The following GRIN2B variants were observed in gnomAD, a reference collection of about 807,000 sequenced individuals.
GRIN2B encodes glutamate receptor ionotropic, NMDA 2B.
A neutral mutation model predicts 114.5 loss-of-function variants in GRIN2B; 5 were observed. That is an observed-to-expected ratio of 0.04 (90% CI 0.02 to 0.09). GRIN2B has a LOEUF of 0.09. GRIN2B is among the 10% of genes least tolerant of loss of function. GRIN2B has a pLI of 1.00. For missense variants in GRIN2B, 1,108 were observed against 1,943.5 expected (o/e 0.57, Z 8.08); for synonymous variants, 787 against 745.1 (o/e 1.06, Z -0.92).
chr12:13,605,064 A>G, intron 10 of GRIN2B, among the ~76,000 whole-genome samples: 1 of 126,216 alleles, frequency 7.9e-6, no homozygotes, highest in Non-Finnish European at 1.8e-5. Context: ...CTCTCTCCCC[A>G]CAGACTCTTT....
intron 3 of GRIN2B, among the ~76,000 whole-genome samples, chr12:13,851,678 A>G (rs1865568392): frequency 6.6e-6 from 1 of 152,144 alleles, no homozygotes; most frequent in South Asian, 2.1e-4. Context: ...AAATTCTACC[A>G]AGCTCCTTTC....
chr12:13,808,192 T>G (rs1864647216), intron 3 of GRIN2B, among the ~76,000 whole-genome samples: 1 of 152,018 alleles, frequency 6.6e-6, no homozygotes, highest in South Asian at 2.1e-4. Flanking sequence ...ATCAGCATTT[T>G]TAAACACTGA....
At chr12:13,820,958 C>T (rs1864923088) in intron 3 of GRIN2B, among the ~76,000 whole-genome samples, 1 of 152,124 alleles carries the variant, frequency 6.6e-6, no homozygotes. Flanking sequence ...CTTTGAATAA[C>T]ATACATGGCC....
chr12:13,782,554 A>G (rs182468049), intron 3 of GRIN2B, among the ~76,000 whole-genome samples: 1 of 152,346 alleles, frequency 6.6e-6, no homozygotes, highest in East Asian at 1.9e-4. Flanking sequence ...TACAGAAAGA[A>G]TTCTAGATTA....
intron 2 of GRIN2B, among the ~76,000 whole-genome samples, chr12:13,907,700 T>TATAC (rs1866565121): frequency 6.6e-6 from 1 of 152,182 alleles, no homozygotes; most frequent in Non-Finnish European, 1.5e-5. Flanking sequence ...GTTTAGTGGT[T>TATAC]ATATGGATGT....
chr12:13,921,591 T>C (rs1866825014), intron 2 of GRIN2B, among the ~76,000 whole-genome samples: 2 of 152,192 alleles, frequency 1.3e-5, no homozygotes, highest in South Asian at 2.1e-4. Context: ...TATATGTCTA[T>C]CTAAGTTTCT....
intron 4 of GRIN2B, among the ~76,000 whole-genome samples, chr12:13,686,352 A>C (rs1239730279): frequency 6.6e-6 from 1 of 152,160 alleles, no homozygotes; most frequent in Non-Finnish European, 1.5e-5. Flanking sequence ...TCAAGAGGAC[A>C]GCACCATGAA....
chr12:13,830,650 A>C (rs942249533), intron 3 of GRIN2B, among the ~76,000 whole-genome samples: 3 of 152,212 alleles, frequency 2.0e-5, no homozygotes, highest in African/African-American at 7.2e-5. Flanking sequence ...TACATTTTAT[A>C]TATATGTACA....
Position 13,549,440 on chromosome 12 carries a change from C to G in GRIN2B, c.*13343G>C, listed in dbSNP as rs1948384207. On this transcript the variant is annotated 3_prime_UTR_variant, in exon 14 of 14. Coordinates refer to ENST00000609686, the MANE Select transcript of GRIN2B (RefSeq NM_000834.5). ...TTTTTCTGTTCAGAACTAACTTATG[C>G]CTTAATCCTAGAATCAGGCTTGTAT... is the stretch of plus-strand genomic sequence containing the variant. 6.6e-6 allele frequency: 1 copy of G among 152,086 alleles called. No homozygotes were observed. The highest frequency in any genetic ancestry group is 1.5e-5 in the Non-Finnish European group (1 of 68,012). 9.4% of individuals were successfully genotyped at this position (152,086 alleles called of 1,614,324 possible).
intron 2 of GRIN2B, among the ~76,000 whole-genome samples, chr12:13,868,440 G>C (rs1052040819): frequency 6.7e-6 from 1 of 148,878 alleles, no homozygotes; most frequent in African/African-American, 2.5e-5. Context: ...ACACCACAAA[G>C]AGCTGTGGAC....
intron 2 of GRIN2B, among the ~76,000 whole-genome samples, chr12:13,912,572 G>A (rs1413249569): frequency 2.0e-5 from 3 of 152,142 alleles, no homozygotes; most frequent in Non-Finnish European, 4.4e-5. Flanking sequence ...TGGGCACAGG[G>A]TGCGGATGTA....
intron 3 of GRIN2B, among the ~76,000 whole-genome samples, chr12:13,764,604 A>T (rs1178252198): frequency 6.6e-6 from 1 of 152,218 alleles, no homozygotes; most frequent in Non-Finnish European, 1.5e-5. Flanking sequence ...TGATGGAAAT[A>T]AGAAAAAATC....
chr12:13,848,772 A>C (rs1010397361), intron 3 of GRIN2B, among the ~76,000 whole-genome samples: 1 of 152,186 alleles, frequency 6.6e-6, no homozygotes, highest in African/African-American at 2.4e-5. Context: ...TGAACCCAAC[A>C]GAGCACAAGA....
At chr12:13,880,848 C>T (rs1159657106) in intron 2 of GRIN2B, among the ~76,000 whole-genome samples, 1 of 152,212 alleles carries the variant, frequency 6.6e-6, no homozygotes, top group Non-Finnish European at 1.5e-5. Flanking sequence ...AGTCTTCCTT[C>T]AGCTCTTGCC....
intron 4 of GRIN2B, among the ~76,000 whole-genome samples, chr12:13,734,137 C>T (rs1306075424): frequency 1.3e-5 from 2 of 152,122 alleles, no homozygotes; most frequent in Non-Finnish European, 2.9e-5. Flanking sequence ...CTAAATGAAG[C>T]CCCCATAGGT....
chr12:13,751,262 G>C (rs998433778), intron 4 of GRIN2B, among the ~76,000 whole-genome samples: 10 of 152,286 alleles, frequency 6.6e-5, no homozygotes, highest in Admixed American at 6.5e-4. Flanking sequence ...ATATTAAGGA[G>C]AATGGACCTC....
chr12:13,718,982 G>A (rs1009000733), intron 4 of GRIN2B, among the ~76,000 whole-genome samples: 1 of 151,984 alleles, frequency 6.6e-6, no homozygotes, highest in Admixed American at 6.6e-5. Flanking sequence ...AGAGACACAT[G>A]CTAAGTCTCA....
At chr12:13,893,107 C>A (rs1866290912) in intron 2 of GRIN2B, among the ~76,000 whole-genome samples, 1 of 152,174 alleles carries the variant, frequency 6.6e-6, no homozygotes, top group Non-Finnish European at 1.5e-5. Flanking sequence ...ATGACTAGCA[C>A]TTGGCCCATT....
intron 2 of GRIN2B, among the ~76,000 whole-genome samples, chr12:13,875,842 T>A (rs150980674): frequency 6.6e-6 from 1 of 152,354 alleles, no homozygotes; most frequent in East Asian, 1.9e-4. Flanking sequence ...TCGATTCATT[T>A]GATAAATGTT....
Sources: gnomAD v4.1 joint callset for allele counts (sites outside exome capture counted in the v4.1 genomes callset) on GRCh38, gnomAD v4.1.1 for gene constraint, MANE v1.5 for transcripts, NCBI Gene and HGNC (gene_info 2026-07-23, HGNC 2026-07-21) for gene names.